EPHA6: variants seen among roughly 807,000 people sequenced by gnomAD.
The protein encoded by EPHA6 is ephrin type-A receptor 6.
A neutral mutation model predicts 112.0 loss-of-function variants in EPHA6; 50 were observed. That is an observed-to-expected ratio of 0.45 (90% CI 0.36 to 0.56). The LOEUF (loss-of-function observed/expected upper bound fraction) is 0.56. Among genes scored for constraint, EPHA6 ranks in the 20% least tolerant of loss-of-function variants. The pLI is 0.00. For synonymous variants in EPHA6, 529 were observed against 490.7 expected, an observed-to-expected ratio of 1.08 and a Z score of -1.03; for missense variants, 1,280 against 1,417.4, an observed-to-expected ratio of 0.90 and a Z score of 1.56.
intron 3 of EPHA6, among the ~76,000 whole-genome samples, chr3:97,027,499 A>C (rs2044682671): frequency 6.6e-6 from 1 of 152,180 alleles, no homozygotes; most frequent in Non-Finnish European, 1.5e-5. Flanking sequence ...AAACACCTCC[A>C]AGGGAAAAAA....
In EPHA6 at chr3:97,405,292, C is replaced by T; in HGVS notation, c.1731+18C>T. 6.2e-7 allele frequency: 1 copy of T among 1,604,662 alleles called. No homozygotes were observed. The highest frequency in any genetic ancestry group is 2.2e-5 in the East Asian group (1 of 44,632). The stretch of plus-strand genomic sequence containing the variant: ...ATGAGAAAGTAGGTCTTATTTGGAG[C>T]TTCCTATAAAACTACATATATATGC... On this transcript the variant is annotated intron_variant, in intron 6 of 17. Transcript: ENST00000389672.
intron 3 of EPHA6, among the ~76,000 whole-genome samples, chr3:97,041,994 G>A (rs1373553734): frequency 6.6e-6 from 1 of 152,102 alleles, no homozygotes; most frequent in Non-Finnish European, 1.5e-5. Context: ...ACCTCAGTGA[G>A]ACAAACCTTA....
intron 15 of EPHA6, among the ~76,000 whole-genome samples, chr3:97,727,125 C>T (rs1172424910): frequency 6.6e-6 from 1 of 152,054 alleles, no homozygotes; most frequent in African/African-American, 2.4e-5. Flanking sequence ...AAAAAGAGAA[C>T]TGCTATCAGG....
intron 5 of EPHA6, among the ~76,000 whole-genome samples, chr3:97,271,767 T>C (rs2079890385): frequency 6.6e-6 from 1 of 152,356 alleles, no homozygotes; most frequent in South Asian, 2.1e-4. Context: ...TAAATAATTT[T>C]AGTTTTTCAT....
At chr3:97,498,807 T>C (rs893696675) in intron 10 of EPHA6, among the ~76,000 whole-genome samples, 8 of 152,190 alleles carry the variant, frequency 5.3e-5, no homozygotes, top group Admixed American at 1.3e-4. Context: ...GAGAATCTAA[T>C]GCCTGATGAT....
chr3:96,884,793 T>C (rs1476109792), intron 2 of EPHA6, among the ~76,000 whole-genome samples: 2 of 152,222 alleles, frequency 1.3e-5, no homozygotes, highest in Non-Finnish European at 2.9e-5. Flanking sequence ...GGCATCCTTA[T>C]CTTGTTCCAG....
At chr3:96,880,526 TA>T (rs1328359012) in intron 2 of EPHA6, among the ~76,000 whole-genome samples, 3 of 152,058 alleles carry the variant, frequency 2.0e-5, no homozygotes, top group African/African-American at 4.8e-5. Context: ...TCCCCCCTTT[TA>T]AAAAAAATTG....
At chr3:97,135,342 C>A (rs1206708692) in intron 3 of EPHA6, among the ~76,000 whole-genome samples, 1 of 152,122 alleles carries the variant, frequency 6.6e-6, no homozygotes, top group Non-Finnish European at 1.5e-5. Flanking sequence ...GAGCCCAAAC[C>A]TTACTGATTG....
At chr3:97,010,041 G>A in intron 3 of EPHA6, 1 of 1,290,720 alleles carries the variant, frequency 7.7e-7, no homozygotes, top group South Asian at 1.2e-5. Flanking sequence ...TGGCCATCTT[G>A]GCCCCACCCC....
At chr3:97,568,183 T>G (rs977591025) in intron 11 of EPHA6, among the ~76,000 whole-genome samples, 1 of 152,184 alleles carries the variant, frequency 6.6e-6, no homozygotes, top group Non-Finnish European at 1.5e-5. Context: ...ATTTTTAACA[T>G]GTGAAATCAT....
At chr3:97,502,139 T>G (rs957277404) in intron 10 of EPHA6, among the ~76,000 whole-genome samples, 2 of 149,006 alleles carry the variant, frequency 1.3e-5, no homozygotes, top group African/African-American at 2.5e-5. Context: ...TGTTTTGACC[T>G]AAGAGCAAGA....
chr3:97,646,653 A>G (rs1434871267), intron 14 of EPHA6, among the ~76,000 whole-genome samples: 2 of 152,206 alleles, frequency 1.3e-5, no homozygotes, highest in African/African-American at 4.8e-5. Flanking sequence ...TCACTATGCC[A>G]GCCACCAGAA....
chr3:97,491,552 C>T (rs2091838268), intron 10 of EPHA6, among the ~76,000 whole-genome samples: 1 of 151,250 alleles, frequency 6.6e-6, no homozygotes, highest in Non-Finnish European at 1.5e-5. Context: ...TACCTGTATT[C>T]AGTGTGGGTC....
chr3:97,494,139 A>AT (rs758307679), intron 10 of EPHA6, among the ~76,000 whole-genome samples: 16 of 152,172 alleles, frequency 1.1e-4, no homozygotes, highest in Non-Finnish European at 1.9e-4. Flanking sequence ...AAAATCAGGT[A>AT]TTTGACATTT....
chr3:97,236,760 C>T (rs2078691218), intron 4 of EPHA6, among the ~76,000 whole-genome samples: 1 of 152,046 alleles, frequency 6.6e-6, no homozygotes, highest in Admixed American at 6.6e-5. Flanking sequence ...CAGTGTAAAG[C>T]ATGGTTTCTT....
rs1167534634 is a variant in EPHA6, at chr3:97,393,504, C to T, written c.1607-11646C>T. On this transcript the variant is annotated intron_variant, in intron 5 of 17. Coordinates refer to ENST00000389672, the MANE Select transcript of EPHA6 (RefSeq NM_001080448.3). ...ACTTTAAAGATAACTTGTCTGGTCT[C>T]ACCTCTGTAATTAAGTGCTGACAGT... Among the ~76,000 whole-genome samples the T allele has an allele frequency of 3.9e-5, 6 of 151,964 alleles. 1 individual carries two copies. The East Asian group carries it at 1.2e-3, about 29-fold the overall frequency.
At chr3:97,514,782 A>T (rs1328877731) in intron 10 of EPHA6, among the ~76,000 whole-genome samples, 1 of 152,140 alleles carries the variant, frequency 6.6e-6, no homozygotes, top group African/African-American at 2.4e-5. Flanking sequence ...CTCCACACTC[A>T]TGCACCTAGG....
intron 5 of EPHA6, among the ~76,000 whole-genome samples, chr3:97,365,244 T>TA (rs199642939): frequency 5.9e-5 from 9 of 152,040 alleles, no homozygotes; most frequent in African/African-American, 1.7e-4. Context: ...TAAAGACTTT[T>TA]AAAAAAAATT....
chr3:97,723,362 C>T lies in EPHA6; in HGVS notation c.2934+2952C>T, dbSNP rs149500975. ...TCCTGGATCTTGCCCAAAAGGTTGCCCAGCCATTCTGGCCATGTATATTGG... is the reference window on the plus strand; with the variant it reads ...TCCTGGATCTTGCCCAAAAGGTTGCTCAGCCATTCTGGCCATGTATATTGG... On this transcript the variant is annotated intron_variant, in intron 15 of 17. Coordinates refer to ENST00000389672, the MANE Select transcript of EPHA6 (RefSeq NM_001080448.3). Among the ~76,000 whole-genome samples the T allele has an allele frequency of 5.9e-5, 9 of 152,248 alleles. No individual in the cohort carries two copies. In the East Asian group the frequency reaches 1.7e-3, roughly 29 times the overall value.
Sources: allele counts gnomAD v4.1 joint callset (sites outside exome capture counted in the v4.1 genomes callset), GRCh38; gene constraint gnomAD v4.1.1; transcripts MANE v1.5; gene names NCBI Gene and HGNC (gene_info 2026-07-23, HGNC 2026-07-21).